The following LRRTM4 variants were observed in gnomAD, a reference collection of about 807,000 sequenced individuals.
LRRTM4 encodes leucine rich repeat transmembrane neuronal 4.
LRRTM4 carries 25 observed loss-of-function variants against 47.6 expected under a neutral mutation model. The ratio of observed to expected loss-of-function variants is 0.53; its 90% CI spans 0.38 to 0.73. The LOEUF (loss-of-function observed/expected upper bound fraction) is 0.73. LRRTM4 is among the 30% of genes least tolerant of loss of function. The probability of loss-of-function intolerance (pLI) is 0.00; values close to 1 mark genes in which losing one functional copy is unlikely to be tolerated. For missense variants in LRRTM4, 638 were observed against 713.4 expected (o/e 0.89, Z 1.20); for synonymous variants, 311 against 269.5 (o/e 1.15, Z -1.51).
rs373961836 is a variant in LRRTM4 at position 76,943,667 on chromosome 2, A to T, written c.1552-194751T>A. Among the ~76,000 whole-genome samples, 21 of 152,282 alleles carry T rather than the reference A, an allele frequency of 1.4e-4. No homozygotes were observed. In the East Asian group the frequency reaches 3.1e-3, roughly 22 times the overall value. ...TATATCCTATTGCCTTTTGAATGACATCAGTTATATACCCTGTAGGAGTCT... is the reference window on the plus strand; with the variant it reads ...TATATCCTATTGCCTTTTGAATGACTTCAGTTATATACCCTGTAGGAGTCT... On this transcript the variant is annotated intron_variant, in intron 3 of 3. Transcript: ENST00000409884.
intron 3 of LRRTM4, among the ~76,000 whole-genome samples, chr2:76,979,000 A>G (rs1180191053): frequency 6.6e-6 from 1 of 152,040 alleles, no homozygotes; most frequent in Non-Finnish European, 1.5e-5. Flanking sequence ...AGAATAAAAC[A>G]TGATACAGAG....
At chr2:76,947,118 A>G (rs879784492) in intron 3 of LRRTM4, among the ~76,000 whole-genome samples, 1 of 151,940 alleles carries the variant, frequency 6.6e-6, no homozygotes, top group Non-Finnish European at 1.5e-5. Context: ...TGGAGCTCTT[A>G]AAATGTTAAG....
chr2:77,113,744 T>C (rs1671313745), intron 3 of LRRTM4, among the ~76,000 whole-genome samples: 1 of 151,824 alleles, frequency 6.6e-6, no homozygotes, highest in African/African-American at 2.4e-5. Flanking sequence ...AAGTGACCGG[T>C]TGAGGAACTG....
chr2:77,329,210 G>A (rs1316359448), intron 3 of LRRTM4, among the ~76,000 whole-genome samples: 1 of 152,238 alleles, frequency 6.6e-6, no homozygotes, highest in African/African-American at 2.4e-5. Context: ...TCAGAATTCA[G>A]CTCAAATTAC....
At chr2:76,899,970 T>C (rs527451194) in intron 3 of LRRTM4, among the ~76,000 whole-genome samples, 1 of 152,304 alleles carries the variant, frequency 6.6e-6, no homozygotes, top group East Asian at 1.9e-4. Context: ...GGCTCACACC[T>C]GTAATCTCAG....
rs370829024 is a variant in LRRTM4 at position 77,010,545 on chromosome 2, C to CACAG, written c.1552-261630_1552-261629insCTGT. Among the ~76,000 whole-genome samples, 542 of 148,922 alleles carry CACAG rather than the reference C, an allele frequency of 3.6e-3. 7 individuals carry two copies. Among genetic ancestry groups the CACAG allele is most frequent in the South Asian group, 0.018 (85 of 4,714 alleles). On this transcript the variant is annotated intron_variant, in intron 3 of 3. Coordinates refer to ENST00000409884, the MANE Select transcript of LRRTM4 (RefSeq NM_001134745.3). ...ACACACACACACACACACACACACA[C>CACAG]AGTCTTTAACCATTCATCTGTTGAT... is the stretch of plus-strand genomic sequence containing the variant.
Position 76,868,979 on chromosome 2 carries a change from T to G in LRRTM4, c.1552-120063A>C, listed in dbSNP as rs556600447. ...GCATGTCCAATTGTTAACAGCTTTA[T>G]TTTACTTCTCTGGGGTTTTGTGTTT... On this transcript the variant is annotated intron_variant, in intron 3 of 3. Coordinates refer to ENST00000409884, the MANE Select transcript of LRRTM4 (RefSeq NM_001134745.3). Among the ~76,000 whole-genome samples, 13 of 152,242 alleles carry G rather than the reference T, an allele frequency of 8.5e-5. 1 individual carries two copies. In the East Asian group the frequency reaches 1.7e-3, roughly 20 times the overall value.
At chr2:76,925,196 G>A (rs1034405103) in intron 3 of LRRTM4, among the ~76,000 whole-genome samples, 1 of 152,118 alleles carries the variant, frequency 6.6e-6, no homozygotes, top group Admixed American at 6.6e-5. Context: ...TTTAAAAGAG[G>A]GTAAAAGAGA....
At chr2:76,840,975 CGT>C (rs1558687080) in intron 3 of LRRTM4, among the ~76,000 whole-genome samples, 3 of 151,048 alleles carry the variant, frequency 2.0e-5, no homozygotes, top group Admixed American at 2.0e-4. Flanking sequence ...CACATGCACA[CGT>C]ATGTTTATTG....
At chr2:76,797,935 A>C (rs1246409466) in intron 3 of LRRTM4, among the ~76,000 whole-genome samples, 2 of 150,934 alleles carry the variant, frequency 1.3e-5, no homozygotes, top group African/African-American at 2.4e-5. Context: ...ATATATATGC[A>C]CCCAATACAG....
chr2:77,280,694 A>T (rs1471378076), intron 3 of LRRTM4, among the ~76,000 whole-genome samples: 2 of 151,976 alleles, frequency 1.3e-5, no homozygotes, highest in Non-Finnish European at 2.9e-5. Flanking sequence ...TTCTAATATA[A>T]AGGATGTGTA....
chr2:77,284,767 G>A (rs982240985), intron 3 of LRRTM4, among the ~76,000 whole-genome samples: 6 of 152,010 alleles, frequency 3.9e-5, no homozygotes, highest in African/African-American at 1.4e-4. Context: ...TGAGGAAGAG[G>A]CAAATTATAA....
chr2:77,062,028 A>T (rs1679803572), intron 3 of LRRTM4, among the ~76,000 whole-genome samples: 1 of 152,328 alleles, frequency 6.6e-6, no homozygotes, highest in East Asian at 1.9e-4. Flanking sequence ...AATGTTCCAG[A>T]ATATGCTTGT....
intron 3 of LRRTM4, among the ~76,000 whole-genome samples, chr2:77,346,968 T>C (rs1276322456): frequency 6.6e-6 from 1 of 152,320 alleles, no homozygotes; most frequent in East Asian, 1.9e-4. Flanking sequence ...AGATGCACTC[T>C]GCACTCCCTC....
intron 3 of LRRTM4, among the ~76,000 whole-genome samples, chr2:77,019,451 G>GA (rs1379473354): frequency 2.6e-5 from 4 of 151,948 alleles, no homozygotes; most frequent in Non-Finnish European, 5.9e-5. Context: ...GTGACCTCAG[G>GA]AAGGTTATAA....
chr2:76,975,348 A>G (rs1437289863), intron 3 of LRRTM4, among the ~76,000 whole-genome samples: 5 of 151,742 alleles, frequency 3.3e-5, no homozygotes, highest in Non-Finnish European at 7.4e-5. Context: ...TGGATTTGAA[A>G]ACAAAATCTT....
intron 3 of LRRTM4, among the ~76,000 whole-genome samples, chr2:76,954,076 TG>T (rs1675588802): frequency 6.6e-6 from 1 of 151,838 alleles, no homozygotes; most frequent in African/African-American, 2.4e-5. Flanking sequence ...CCAGGCAGGC[TG>T]GGGGTGGTCT....
At chr2:76,861,315 T>A (rs892816698) in intron 3 of LRRTM4, among the ~76,000 whole-genome samples, 1 of 152,150 alleles carries the variant, frequency 6.6e-6, no homozygotes, top group Non-Finnish European at 1.5e-5. Context: ...AAAGACTGCA[T>A]TATTTTTAGT....
chr2:76,986,211 G>A (rs1334969527), intron 3 of LRRTM4, among the ~76,000 whole-genome samples: 2 of 150,050 alleles, frequency 1.3e-5, no homozygotes, highest in African/African-American at 2.5e-5. Context: ...TTGAACTTCT[G>A]AAGAGTGTGC....
Sources: gnomAD v4.1 joint callset for allele counts (sites outside exome capture counted in the v4.1 genomes callset) on GRCh38, gnomAD v4.1.1 for gene constraint, MANE v1.5 for transcripts, NCBI Gene and HGNC (gene_info 2026-07-23, HGNC 2026-07-21) for gene names.